The following NDE1 variants were observed in gnomAD, a reference collection of about 807,000 sequenced individuals.
NDE1 encodes the protein nudE neurodevelopment protein 1, also known as nuclear distribution protein nudE homolog 1.
In NDE1, 28 loss-of-function variants were observed where a neutral mutation model predicts 43.4. The ratio of observed to expected loss-of-function variants is 0.65; its 90% confidence interval spans 0.48 to 0.89. The LOEUF (loss-of-function observed/expected upper bound fraction) is 0.89, where lower values mean the gene tolerates loss of function less well. Ranked by LOEUF, NDE1 falls within the 40% of genes least tolerant of loss-of-function variation. NDE1 has a pLI of 0.00. For synonymous variants in NDE1, 184 were observed against 172.0 expected, an observed-to-expected ratio of 1.07 and a Z score of -0.55; for missense variants, 441 against 434.1, an observed-to-expected ratio of 1.02 and a Z score of -0.14.
At chr16:15,681,410 A>G (rs1310336212) in intron 4 of NDE1, among the ~76,000 whole-genome samples, 1 of 151,056 alleles carries the variant, frequency 6.6e-6, no homozygotes, top group Admixed American at 6.6e-5. Context: ...GACTATAGGC[A>G]TGTGCCACTA....
At chr16:15,704,175 G>C (rs764224357) in intron 8 of NDE1, 29 of 1,606,148 alleles carry the variant, frequency 1.8e-5, no homozygotes, top group Admixed American at 3.4e-5. Context: ...TCATGGTTGG[G>C]ATAGATTTTT....
At chr16:15,722,699 G>A (rs572983885) in intron 8 of NDE1, among the ~76,000 whole-genome samples, 1 of 152,278 alleles carries the variant, frequency 6.6e-6, no homozygotes, top group African/African-American at 2.4e-5. Flanking sequence ...GGAGGGGTAG[G>A]GAACCTGCAG....
chr16:15,674,874 T>C (rs1318712085), intron 3 of NDE1, among the ~76,000 whole-genome samples: 1 of 152,088 alleles, frequency 6.6e-6, no homozygotes, highest in Non-Finnish European at 1.5e-5. Flanking sequence ...GCCCTGCTAA[T>C]TTTTATTTTT....
At position 15,724,804 on chromosome 16, in the gene NDE1, A is replaced by G. The variant is rs2151219534; in HGVS notation, c.*553A>G. The stretch of plus-strand genomic sequence containing the variant: ...GGTTTCTTCTTGAAGCAGCTCCTGC[A>G]AAAGGGATGCAAAGAGGTCCCAGGG... On this transcript the variant is annotated 3_prime_UTR_variant, in exon 9 of 9. Transcript: ENST00000396354. The G allele has an allele frequency of 6.2e-7, 1 of 1,613,836 alleles. No individual in the cohort carries two copies.
At chr16:15,692,085 G>A (rs1337301240) in intron 6 of NDE1, among the ~76,000 whole-genome samples, 1 of 151,714 alleles carries the variant, frequency 6.6e-6, no homozygotes, top group African/African-American at 2.4e-5. Flanking sequence ...AAGAATCTCA[G>A]TTCTCACCCC....
intron 8 of NDE1, among the ~76,000 whole-genome samples, chr16:15,705,521 A>G (rs1168019551): frequency 1.3e-5 from 2 of 152,228 alleles, no homozygotes; most frequent in Non-Finnish European, 2.9e-5. Flanking sequence ...AGCAACCGCA[A>G]CAAATAATTA....
intron 1 of NDE1, among the ~76,000 whole-genome samples, chr16:15,658,770 C>T (rs2036896396): frequency 6.6e-6 from 1 of 152,116 alleles, no homozygotes; most frequent in African/African-American, 2.4e-5. Context: ...GATTCTCATG[C>T]CTTAGCCTCC....
At position 15,725,023 on chromosome 16, in the gene NDE1, G is replaced by T; in HGVS notation, c.*772G>T. 1 of 1,591,740 alleles carries T rather than the reference G, an allele frequency of 6.3e-7. No individual in the cohort carries two copies. The highest frequency in any genetic ancestry group is 8.6e-7 in the Non-Finnish European group (1 of 1,161,806). The stretch of plus-strand genomic sequence containing the variant: ...GGTGCCAAGAGACTGGTTAGTCAAA[G>T]CCTCTAGAAGGGGATCCTCGTTGAA... On this transcript the variant is annotated 3_prime_UTR_variant, in exon 9 of 9. Coordinates refer to ENST00000396354, the MANE Select transcript of NDE1 (RefSeq NM_017668.3).
chr16:15,656,023 A>G (rs1293189227), intron 1 of NDE1, among the ~76,000 whole-genome samples: 2 of 150,456 alleles, frequency 1.3e-5, no homozygotes, highest in Non-Finnish European at 1.5e-5. Flanking sequence ...AGATATACCT[A>G]ATGCTAGATG....
intron 8 of NDE1, chr16:15,717,652 G>A (rs572173449): frequency 1.8e-4 from 85 of 477,120 alleles, no homozygotes; most frequent in Middle Eastern, 1.2e-3. Flanking sequence ...AAAATTAGCC[G>A]GGCAGTGGTG....
intron 3 of NDE1, among the ~76,000 whole-genome samples, chr16:15,668,322 A>G (rs2037419321): frequency 2.0e-5 from 3 of 152,086 alleles, no homozygotes; most frequent in Non-Finnish European, 4.4e-5. Context: ...GTGCCACTGC[A>G]CTCCAGCCTG....
chr16:15,690,488 G>A (rs1188971057), intron 5 of NDE1, among the ~76,000 whole-genome samples: 1 of 151,104 alleles, frequency 6.6e-6, no homozygotes, highest in Non-Finnish European at 1.5e-5. Flanking sequence ...CTCCCAAAGT[G>A]CTGGGATTAC....
Position 15,725,954 on chromosome 16 carries a change from A to G in NDE1, c.*1703A>G, listed in dbSNP as rs1333377144. ...TCCCCCTCCAACCCCACTCTGTACT[A>G]TCTCCCCCTACCCCCAACCCCAGCT... On this transcript the variant is annotated 3_prime_UTR_variant, in exon 9 of 9. Transcript: ENST00000396354. The G allele has an allele frequency of 2.8e-6, 1 of 352,562 alleles. No homozygotes were observed. Among genetic ancestry groups the G allele is most frequent in the East Asian group, 4.2e-5 (1 of 24,050 alleles). 21.8% of individuals were successfully genotyped at this position (352,562 alleles called of 1,614,324 possible).
chr16:15,656,628 C>G (rs1443301046), intron 1 of NDE1, among the ~76,000 whole-genome samples: 3 of 152,074 alleles, frequency 2.0e-5, no homozygotes, highest in Non-Finnish European at 4.4e-5. Context: ...GGAACCTCCA[C>G]CTCCCGGGTT....
chr16:15,681,436 T>A (rs1441295126), intron 4 of NDE1, among the ~76,000 whole-genome samples: 1 of 151,692 alleles, frequency 6.6e-6, no homozygotes, highest in Non-Finnish European at 1.5e-5. Context: ...GGCTAATTTT[T>A]GTATTTTTTG....
chr16:15,658,724 G>T (rs749815459), intron 1 of NDE1, among the ~76,000 whole-genome samples: 1 of 152,008 alleles, frequency 6.6e-6, no homozygotes, highest in Non-Finnish European at 1.5e-5. Flanking sequence ...TGGTGTGATC[G>T]TGGTTCACTG....
At chr16:15,648,935 C>A (rs2036387849), upstream of NDE1, among the ~76,000 whole-genome samples, 1 of 152,180 alleles carries the variant, frequency 6.6e-6, no homozygotes, top group Non-Finnish European at 1.5e-5. Flanking sequence ...GTGGCTCACG[C>A]CTGTAATCCC....
chr16:15,673,015 T>C (rs2037678511), intron 3 of NDE1, among the ~76,000 whole-genome samples: 1 of 152,212 alleles, frequency 6.6e-6, no homozygotes, highest in Non-Finnish European at 1.5e-5. Context: ...TCTTGCACAA[T>C]GGCTCTCGCC....
At chr16:15,689,938 C>CAA (rs34081814) in intron 5 of NDE1, among the ~76,000 whole-genome samples, 7 of 95,060 alleles carry the variant, frequency 7.4e-5, no homozygotes, top group Admixed American at 1.1e-4. Flanking sequence ...AACTCCATCT[C>CAA]AAAAAAAAAA....
Sources: allele counts gnomAD v4.1 joint callset (sites outside exome capture counted in the v4.1 genomes callset), GRCh38; gene constraint gnomAD v4.1.1; transcripts MANE v1.5; gene names NCBI Gene and HGNC (gene_info 2026-07-23, HGNC 2026-07-21).